The following NPLOC4 variants were observed in gnomAD, a reference collection of about 807,000 sequenced individuals.
NPLOC4 encodes the protein nuclear protein localization protein 4 homolog.
Under a neutral mutation model 80.6 loss-of-function variants are expected in NPLOC4, and 18 were observed. The observed-to-expected ratio is 0.22, with a 90% CI of 0.15 to 0.33. The LOEUF is 0.33. Ranked by LOEUF, NPLOC4 falls within the 10% of genes least tolerant of loss-of-function variation. The probability of loss-of-function intolerance (pLI) is 1.00; values close to 1 mark genes in which losing one functional copy is unlikely to be tolerated. For missense variants in NPLOC4, 540 were observed against 786.1 expected, an observed-to-expected ratio of 0.69 and a Z score of 3.74; for synonymous variants, 313 against 301.5, an observed-to-expected ratio of 1.04 and a Z score of -0.39.
rs760933447 is a variant in NPLOC4, at chr17:81,637,067, C to T, written c.-137G>A. On this transcript the variant is annotated 5_prime_UTR_variant, in exon 1 of 17. Transcript: ENST00000331134. ...CCGCCACCGCCGCTCCAGCTTCGCC[C>T]GCCCGGCTCCGCCAGCCGCCGACGT... The T allele has an allele frequency of 9.7e-6, 4 of 411,714 alleles. No individual in the cohort carries two copies. The Admixed American group carries it at 2.0e-4, about 20-fold the overall frequency. The allele number at this position is 411,714 out of a possible 1,614,324, so 25.5% of individuals were successfully genotyped here.
chr17:81,607,385 A>G (rs545229570), intron 6 of NPLOC4, among the ~76,000 whole-genome samples: 7 of 149,032 alleles, frequency 4.7e-5, no homozygotes, highest in African/African-American at 1.7e-4. Flanking sequence ...TTATTGAAAT[A>G]TAACTGACAA....
intron 1 of NPLOC4, among the ~76,000 whole-genome samples, chr17:81,630,768 T>C (rs979508322): frequency 5.3e-5 from 8 of 152,210 alleles, no homozygotes; most frequent in Admixed American, 2.6e-4. Flanking sequence ...TCTCAGCTAC[T>C]TGGGGAGCTG....
At chr17:81,633,860 C>G (rs140009289) in intron 1 of NPLOC4, among the ~76,000 whole-genome samples, 1 of 145,370 alleles carries the variant, frequency 6.9e-6, no homozygotes, top group Non-Finnish European at 1.5e-5. Flanking sequence ...CGCCCGCCAC[C>G]GCGCCCAGCT....
At position 81,618,003 on chromosome 17, in the gene NPLOC4, G is replaced by A. The variant is rs1318094491; in HGVS notation, c.209+4163C>T. Among the ~76,000 whole-genome samples the A allele has an allele frequency of 2.0e-4, 31 of 152,264 alleles. No homozygotes were observed. The East Asian group carries it at 4.5e-3, about 22-fold the overall frequency. On this transcript the variant is annotated intron_variant, in intron 3 of 16. Coordinates refer to ENST00000331134, the MANE Select transcript of NPLOC4 (RefSeq NM_017921.4). ...GAGTGCAGTGGCGTGATCTCGGCTC[G>A]CTACAACCTCTACCTCCCAGCCGCC...
At chr17:81,570,721 C>T (rs529242898) in intron 13 of NPLOC4, among the ~76,000 whole-genome samples, 2 of 152,342 alleles carry the variant, frequency 1.3e-5, no homozygotes, top group South Asian at 4.1e-4. Flanking sequence ...GCCCAGCCAT[C>T]CCATCCCAAG....
intron 9 of NPLOC4, among the ~76,000 whole-genome samples, chr17:81,599,868 C>T (rs547291129): frequency 2.6e-5 from 4 of 152,296 alleles, no homozygotes; most frequent in South Asian, 4.1e-4. Context: ...TGATTGATGA[C>T]GGAGCAGCAG....
intron 16 of NPLOC4, chr17:81,563,732 C>T (rs1208324777): frequency 2.9e-6 from 1 of 346,838 alleles, no homozygotes; most frequent in Non-Finnish European, 5.7e-6. Flanking sequence ...CTGGGCAACA[C>T]AGTGAGACCT....
At chr17:81,587,628 T>TC (rs2034617123) in intron 12 of NPLOC4, among the ~76,000 whole-genome samples, 1 of 103,800 alleles carries the variant, frequency 9.6e-6, no homozygotes, top group South Asian at 2.9e-4. Flanking sequence ...ACCCTGTCTC[T>TC]TTAAAAAAAA....
intron 4 of NPLOC4, among the ~76,000 whole-genome samples, chr17:81,610,945 C>T (rs1426346092): frequency 7.2e-5 from 2 of 27,596 alleles, no homozygotes; most frequent in East Asian, 7.5e-4. Context: ...GGCGACAGAG[C>T]GAGACTCCGT....
intron 3 of NPLOC4, among the ~76,000 whole-genome samples, chr17:81,620,211 T>G (rs1238624852): frequency 1.3e-5 from 2 of 152,050 alleles, no homozygotes; most frequent in East Asian, 1.9e-4. Flanking sequence ...AACGAAAGAA[T>G]AAAGAGCCAG....
rs190285567 is a variant in NPLOC4 at position 81,613,350 on chromosome 17, G to A, written c.354C>T (p.Asp118=). ...GGTCTCGGCTTCTGTAAATCTTCCC[G>A]TCCTGTTTGCTGAGGTACTGATCAA... ...DEIDQYLSKQ[D]GKIYRSRDPQ... is the part of the protein sequence containing the mutation. The change falls in exon 4 of 17, where the codon GAC becomes GAT. Residue 118 remains aspartate (D), a synonymous_variant. Coordinates refer to ENST00000331134, the MANE Select transcript of NPLOC4 (RefSeq NM_017921.4). The A allele has an allele frequency of 2.9e-5, 46 of 1,613,668 alleles. No homozygotes were observed. The Admixed American group carries it at 4.5e-4, about 16-fold the overall frequency.
intron 3 of NPLOC4, among the ~76,000 whole-genome samples, chr17:81,616,574 G>T (rs534974694): frequency 6.7e-6 from 1 of 149,366 alleles, no homozygotes; most frequent in African/African-American, 2.5e-5. Context: ...ACTAAAAATA[G>T]AAAAAATTAG....
chr17:81,618,635 C>A (rs1171091292), intron 3 of NPLOC4, among the ~76,000 whole-genome samples: 2 of 150,894 alleles, frequency 1.3e-5, no homozygotes, highest in Non-Finnish European at 3.0e-5. Flanking sequence ...TGAGGGGCGC[C>A]TCTGCCCGGC....
rs540061369 is a variant in NPLOC4 at position 81,558,929 on chromosome 17, C to T, written c.*330G>A. The T allele has an allele frequency of 4.1e-4, 96 of 231,612 alleles. No homozygotes were observed. Among genetic ancestry groups the T allele is most frequent in the Non-Finnish European group, 4.6e-4 (55 of 119,662 alleles). The allele number at this position is 231,612 out of a possible 1,614,324, so 14.3% of individuals were successfully genotyped here. ...CTGGGTGGTGGCAGCATCGGCCCCT[C>T]CCTGTGCGCCCCAATTCCAGGTGCC... On this transcript the variant is annotated 3_prime_UTR_variant, in exon 17 of 17. Transcript: ENST00000331134.
rs1485865837 is a variant in NPLOC4 at position 81,596,119 on chromosome 17, T to C, written c.1117A>G (p.Thr373Ala). Residue 373 changes from threonine to alanine, a missense_variant, in exon 11 of 17, where the codon ACA becomes GCA. By Grantham distance (58) the Thr-to-Ala change is moderately conservative. Coordinates refer to ENST00000331134, the MANE Select transcript of NPLOC4 (RefSeq NM_017921.4). ...GTACATACTGTCCCTGTTATACCTG[T>C]AGCCACTGCAGTAACAAACTTGGAT... is the stretch of plus-strand genomic sequence containing the variant. ...FGSKFVTAVA[T>A]GGPDNQVHFE... 1 of 1,613,918 alleles carries C rather than the reference T, an allele frequency of 6.2e-7. No individual in the cohort carries two copies. Among genetic ancestry groups the C allele is most frequent in the South Asian group, 1.1e-5 (1 of 91,074 alleles).
At chr17:81,587,319 ATTTT>A in intron 12 of NPLOC4, among the ~76,000 whole-genome samples, 1 of 151,762 alleles carries the variant, frequency 6.6e-6, no homozygotes, top group South Asian at 2.1e-4. Context: ...TTATTTTTTT[ATTTT>A]TTATTTTTTT....
At chr17:81,561,742 T>A (rs1300169254) in intron 16 of NPLOC4, 2 of 152,168 alleles carry the variant, frequency 1.3e-5, no homozygotes, top group African/African-American at 4.8e-5. Flanking sequence ...CCACTCACCA[T>A]GCCCAGCTAA....
chr17:81,636,139 T>C (rs1340450998), intron 1 of NPLOC4, among the ~76,000 whole-genome samples: 4 of 152,004 alleles, frequency 2.6e-5, no homozygotes, highest in Non-Finnish European at 5.9e-5. Context: ...CCGGCTAATT[T>C]TTTGTATTTT....
rs771616637 is a variant in NPLOC4, at chr17:81,591,649, G to A, written c.1121-2545C>T. 2.6e-5 allele frequency among the ~76,000 whole-genome samples: 4 copies of A among 152,200 alleles called. No homozygotes were observed. The East Asian group carries it at 7.7e-4, about 29-fold the overall frequency. ...AAGGGTAAATTCACTGAGATGAACT[G>A]CAAACTCCCCTTTCCACATGCAGCA... On this transcript the variant is annotated intron_variant, in intron 11 of 16. Transcript: ENST00000331134.
Sources: allele counts gnomAD v4.1 joint callset (sites outside exome capture counted in the v4.1 genomes callset), GRCh38; gene constraint gnomAD v4.1.1; transcripts MANE v1.5; gene names NCBI Gene and HGNC (gene_info 2026-07-23, HGNC 2026-07-21).